Variants in NCK1 observed in about 807,000 individuals in gnomAD.
NCK1 encodes SH2/SH3 adapter protein NCK1.
In NCK1, 19 loss-of-function variants were observed where a neutral mutation model predicts 36.6. The ratio of observed to expected loss-of-function variants is 0.52; its 90% CI spans 0.36 to 0.76. NCK1 has a LOEUF of 0.76. Among genes scored for constraint, NCK1 ranks in the 30% least tolerant of loss-of-function variants. NCK1 has a pLI of 0.00. For synonymous variants in NCK1, 165 were observed against 156.0 expected (o/e 1.06, Z -0.43); for missense variants, 358 against 445.6 (o/e 0.80, Z 1.77).
At chr3:136,877,919 G>C (rs1453361050) in intron 1 of NCK1, among the ~76,000 whole-genome samples, 1 of 152,120 alleles carries the variant, frequency 6.6e-6, no homozygotes, top group African/African-American at 2.4e-5. Context: ...AAGCAACTCA[G>C]ATGTCCATCA....
chr3:136,937,106 T>C (rs1940551548), intron 2 of NCK1, among the ~76,000 whole-genome samples: 1 of 152,244 alleles, frequency 6.6e-6, no homozygotes, highest in African/African-American at 2.4e-5. Flanking sequence ...GTTTTAGCTC[T>C]GACATTTGGT....
At chr3:136,915,036 A>G (rs1939923387) in intron 1 of NCK1, among the ~76,000 whole-genome samples, 1 of 152,184 alleles carries the variant, frequency 6.6e-6, no homozygotes, top group South Asian at 2.1e-4. Flanking sequence ...GTGGAAGCAT[A>G]CTGAGGTTCT....
intron 1 of NCK1, among the ~76,000 whole-genome samples, chr3:136,921,919 G>A (rs1940120172): frequency 6.6e-6 from 1 of 152,158 alleles, no homozygotes; most frequent in African/African-American, 2.4e-5. Flanking sequence ...GAGTAGCTGG[G>A]ACTACAGGCA....
chr3:136,872,050 G>C (rs1938636737), intron 1 of NCK1, among the ~76,000 whole-genome samples: 1 of 152,188 alleles, frequency 6.6e-6, no homozygotes, highest in African/African-American at 2.4e-5. Context: ...CAGTAGAGTA[G>C]AGTGCTCCTG....
intron 1 of NCK1, among the ~76,000 whole-genome samples, chr3:136,915,644 T>G (rs1199894416): frequency 6.6e-6 from 1 of 151,960 alleles, no homozygotes; most frequent in Non-Finnish European, 1.5e-5. Flanking sequence ...GTTTAAAAGG[T>G]TCACAGTTTC....
chr3:136,889,900 C>T (rs1939188573), intron 1 of NCK1, among the ~76,000 whole-genome samples: 1 of 152,194 alleles, frequency 6.6e-6, no homozygotes, highest in African/African-American at 2.4e-5. Context: ...TAAAGATTCT[C>T]CAAGGCCCCA....
intron 1 of NCK1, among the ~76,000 whole-genome samples, chr3:136,890,832 A>C (rs1939224020): frequency 6.6e-6 from 1 of 152,182 alleles, no homozygotes; most frequent in Non-Finnish European, 1.5e-5. Flanking sequence ...CTGTTTGCAT[A>C]AGTTTTTCAT....
intron 1 of NCK1, among the ~76,000 whole-genome samples, chr3:136,863,828 G>T (rs1252682013): frequency 1.3e-5 from 2 of 151,950 alleles, no homozygotes; most frequent in African/African-American, 2.4e-5. Flanking sequence ...GAGTCCAGGC[G>T]GGGTAGCTCA....
chr3:136,889,545 G>A (rs577011367), intron 1 of NCK1, among the ~76,000 whole-genome samples: 3 of 152,040 alleles, frequency 2.0e-5, no homozygotes, highest in South Asian at 2.1e-4. Flanking sequence ...GGACCCGAGC[G>A]GGTTGCCACT....
At chr3:136,866,020 T>G (rs1051298421) in intron 1 of NCK1, among the ~76,000 whole-genome samples, 3 of 152,198 alleles carry the variant, frequency 2.0e-5, no homozygotes, top group Non-Finnish European at 4.4e-5. Context: ...TTTTTCTCTC[T>G]ACTTAGTATG....
Position 136,902,190 on chromosome 3 carries a change from T to TG in NCK1, c.-18-25794_-18-25793insG, listed in dbSNP as rs1263353472. Among the ~76,000 whole-genome samples, 30 of 91,300 alleles carry TG rather than the reference T, an allele frequency of 3.3e-4. No homozygotes were observed. The East Asian group carries it at 0.013, about 39-fold the overall frequency. 59.9% of individuals were successfully genotyped at this position (91,300 alleles called of 152,430 possible). A position where few individuals can be genotyped will look rare whatever the true frequency, so the allele number is the denominator to read the frequency against. ...GAGTTCTTCTTAACTCTTTGTTTTT[T>TG]TTTTTTTTTTTTGTTTTTGTTTTTT... is the stretch of plus-strand genomic sequence containing the variant. On this transcript the variant is annotated intron_variant, in intron 1 of 3. Coordinates refer to ENST00000481752, the MANE Select transcript of NCK1 (RefSeq NM_001291999.2).
intron 1 of NCK1, among the ~76,000 whole-genome samples, chr3:136,866,257 T>A (rs1938406327): frequency 6.6e-6 from 1 of 152,194 alleles, no homozygotes; most frequent in African/African-American, 2.4e-5. Context: ...CTCTGATTCT[T>A]ATTTACTCTT....
intron 1 of NCK1, among the ~76,000 whole-genome samples, chr3:136,877,930 G>C (rs969043653): frequency 9.9e-5 from 15 of 152,112 alleles, no homozygotes; most frequent in African/African-American, 3.4e-4. Flanking sequence ...ATGTCCATCA[G>C]CTGATAAATG....
intron 1 of NCK1, among the ~76,000 whole-genome samples, chr3:136,926,962 T>A (rs1022101762): frequency 5.9e-5 from 9 of 152,136 alleles, no homozygotes; most frequent in Admixed American, 4.6e-4. Context: ...GCCTTAATAA[T>A]GTTTGTATTT....
chr3:136,906,915 A>G (rs1939701643), intron 1 of NCK1, among the ~76,000 whole-genome samples: 1 of 152,080 alleles, frequency 6.6e-6, no homozygotes, highest in African/African-American at 2.4e-5. Flanking sequence ...ACTGAGAGGG[A>G]TGGAGCCAGG....
At chr3:136,886,867 G>C (rs1171275907) in intron 1 of NCK1, among the ~76,000 whole-genome samples, 1 of 146,688 alleles carries the variant, frequency 6.8e-6, no homozygotes, top group Non-Finnish European at 1.5e-5. Flanking sequence ...TTCTGAGACG[G>C]AGTTTTGCTC....
intron 1 of NCK1, among the ~76,000 whole-genome samples, chr3:136,909,533 T>C (rs1939780765): frequency 6.6e-6 from 1 of 152,210 alleles, no homozygotes; most frequent in South Asian, 2.1e-4. Flanking sequence ...AGTGCTGTAA[T>C]AATATAAATG....
At chr3:136,871,868 C>T (rs546796056) in intron 1 of NCK1, among the ~76,000 whole-genome samples, 1 of 152,308 alleles carries the variant, frequency 6.6e-6, no homozygotes, top group South Asian at 2.1e-4. Context: ...ACTCTCTTCT[C>T]TTATCTGCCG....
At chr3:136,878,942 C>A (rs745336610) in intron 1 of NCK1, among the ~76,000 whole-genome samples, 1 of 152,116 alleles carries the variant, frequency 6.6e-6, no homozygotes, top group Non-Finnish European at 1.5e-5. Context: ...TTCTGGCAAT[C>A]AAGTAGGAAT....
Sources: gnomAD v4.1 joint callset for allele counts (sites outside exome capture counted in the v4.1 genomes callset) on GRCh38, gnomAD v4.1.1 for gene constraint, MANE v1.5 for transcripts, NCBI Gene and HGNC (gene_info 2026-07-23, HGNC 2026-07-21) for gene names.